The following RBFOX1 variants were observed in gnomAD, a reference collection of about 807,000 sequenced individuals.
RBFOX1 encodes RNA binding fox-1 homolog 1, also known as RNA binding protein fox-1 homolog 1.
In RBFOX1, 8 loss-of-function variants were observed where a neutral mutation model predicts 57.7. That is an observed-to-expected ratio of 0.14 (90% confidence interval 0.08 to 0.25). RBFOX1 has a LOEUF of 0.25. RBFOX1 is among the 10% of genes least tolerant of loss of function. RBFOX1 has a pLI of 1.00. For synonymous variants in RBFOX1, 326 were observed against 222.4 expected (o/e 1.47, Z -4.15); for missense variants, 611 against 548.5 (o/e 1.11, Z -1.14).
intron 11 of RBFOX1, among the ~76,000 whole-genome samples, chr16:7,643,663 G>C (rs747486292): frequency 1.3e-5 from 2 of 152,070 alleles, no homozygotes; most frequent in African/African-American, 2.4e-5. Flanking sequence ...TTTTTGGGTT[G>C]AACACAACCT....
intron 12 of RBFOX1, among the ~76,000 whole-genome samples, chr16:7,662,288 A>G (rs146902285): frequency 3.2e-4 from 48 of 152,326 alleles, no homozygotes; most frequent in Admixed American, 3.1e-3. Context: ...ACTGCTGTCT[A>G]GTCTCTTGCC....
At position 5,338,686 on chromosome 16, in the gene RBFOX1, C is replaced by G. The variant is rs2064959560; in HGVS notation, c.219+98581C>G. Among the ~76,000 whole-genome samples the G allele has an allele frequency of 2.6e-5, 4 of 152,134 alleles. 1 individual carries two copies. In the South Asian group the frequency reaches 8.3e-4, roughly 32 times the overall value. On this transcript the variant is annotated intron_variant, in intron 1 of 2. Transcript: ENST00000585867. Reference sequence around the variant, plus strand: ...TAGATAGGATCTCTTTGTCACCCAGCCAGAATCTATCACCCAGGCTGGAGT... The same window carrying G: ...TAGATAGGATCTCTTTGTCACCCAGGCAGAATCTATCACCCAGGCTGGAGT...
chr16:6,867,802 C>T (rs1014731300), intron 3 of RBFOX1, among the ~76,000 whole-genome samples: 1 of 152,168 alleles, frequency 6.6e-6, no homozygotes, highest in African/African-American at 2.4e-5. Context: ...AGAACAAGTC[C>T]TGTTTATCCC....
At chr16:6,081,378 T>G (rs919031804) in intron 1 of RBFOX1, among the ~76,000 whole-genome samples, 6 of 152,188 alleles carry the variant, frequency 3.9e-5, no homozygotes, top group Non-Finnish European at 5.9e-5. Flanking sequence ...TCTGTTATCT[T>G]GTTTCTCTGT....
At chr16:6,743,584 A>C (rs560365635) in intron 3 of RBFOX1, among the ~76,000 whole-genome samples, 2 of 151,842 alleles carry the variant, frequency 1.3e-5, no homozygotes, top group Non-Finnish European at 2.9e-5. Flanking sequence ...TGTACAAAAA[A>C]TTTAAAAATT....
chr16:7,424,331 C>G (rs993540258), intron 4 of RBFOX1, among the ~76,000 whole-genome samples: 3 of 152,152 alleles, frequency 2.0e-5, no homozygotes, highest in African/African-American at 7.2e-5. Flanking sequence ...GCAATCTTTT[C>G]TGACTGCAAC....
intron 3 of RBFOX1, among the ~76,000 whole-genome samples, chr16:6,830,669 A>G (rs896968951): frequency 1.3e-5 from 2 of 152,208 alleles, no homozygotes; most frequent in Non-Finnish European, 2.9e-5. Flanking sequence ...AGACTTCCCC[A>G]AGCCAAAATA....
intron 4 of RBFOX1, among the ~76,000 whole-genome samples, chr16:7,212,204 T>C (rs2091275281): frequency 6.6e-6 from 1 of 152,170 alleles, no homozygotes; most frequent in South Asian, 2.1e-4. Flanking sequence ...ATAGGTCTTT[T>C]AGGGTCAAGG....
intron 3 of RBFOX1, among the ~76,000 whole-genome samples, chr16:6,938,380 C>T (rs1444116164): frequency 6.6e-6 from 1 of 152,138 alleles, no homozygotes; most frequent in Admixed American, 6.5e-5. Flanking sequence ...GCACATAGAG[C>T]ATTACCTGGA....
chr16:7,393,294 T>G (rs1039245794), intron 4 of RBFOX1, among the ~76,000 whole-genome samples: 4 of 152,210 alleles, frequency 2.6e-5, no homozygotes, highest in African/African-American at 9.6e-5. Flanking sequence ...ATCCTTAAGT[T>G]TGTGTCTGGG....
intron 3 of RBFOX1, among the ~76,000 whole-genome samples, chr16:6,807,222 T>C (rs1030646687): frequency 3.3e-5 from 5 of 152,076 alleles, no homozygotes; most frequent in Admixed American, 2.0e-4. Flanking sequence ...TCTGTTCCAG[T>C]AGTTCAAGTG....
intron 4 of RBFOX1, among the ~76,000 whole-genome samples, chr16:7,501,778 C>T (rs185533889): frequency 1.3e-5 from 2 of 152,192 alleles, no homozygotes; most frequent in Non-Finnish European, 2.9e-5. Flanking sequence ...AAAACCTTAC[C>T]TGATAAATCA....
chr16:6,599,193 T>A (rs2097816630), intron 2 of RBFOX1, among the ~76,000 whole-genome samples: 1 of 152,086 alleles, frequency 6.6e-6, no homozygotes, highest in Non-Finnish European at 1.5e-5. Context: ...ACTGTTCTCA[T>A]CCAAAGACGT....
At chr16:6,624,905 G>A (rs938330941) in intron 2 of RBFOX1, among the ~76,000 whole-genome samples, 2 of 152,148 alleles carry the variant, frequency 1.3e-5, no homozygotes, top group Non-Finnish European at 2.9e-5. Context: ...GCTCACGCCT[G>A]TAATCCCAGC....
intron 2 of RBFOX1, among the ~76,000 whole-genome samples, chr16:5,550,173 C>T (rs757446810): frequency 1.3e-5 from 2 of 152,110 alleles, no homozygotes; most frequent in Admixed American, 1.3e-4. Context: ...TGCAGTGTTG[C>T]GAGAGGGGCT....
chr16:7,367,699 A>C (rs997655011), intron 4 of RBFOX1, among the ~76,000 whole-genome samples: 2 of 152,202 alleles, frequency 1.3e-5, no homozygotes, highest in Non-Finnish European at 2.9e-5. Context: ...CATCTGTTCT[A>C]TCTAAAGGAG....
chr16:7,495,464 C>G (rs987542508), intron 4 of RBFOX1, among the ~76,000 whole-genome samples: 2 of 152,220 alleles, frequency 1.3e-5, no homozygotes, highest in East Asian at 3.9e-4. Context: ...TTTTTCTCTG[C>G]AGCCTCACCA....
At chr16:7,027,579 T>C (rs1215386717) in intron 3 of RBFOX1, among the ~76,000 whole-genome samples, 1 of 152,108 alleles carries the variant, frequency 6.6e-6, no homozygotes, top group Non-Finnish European at 1.5e-5. Context: ...CCAAGACTAA[T>C]GTACTTAGAA....
At chr16:6,702,635 A>G (rs1568280211) in intron 3 of RBFOX1, among the ~76,000 whole-genome samples, 1 of 152,202 alleles carries the variant, frequency 6.6e-6, no homozygotes, top group African/African-American at 2.4e-5. Flanking sequence ...ATGAGGTCAT[A>G]CTTCTAAGAT....
Sources: allele counts gnomAD v4.1 joint callset (sites outside exome capture counted in the v4.1 genomes callset), GRCh38; gene constraint gnomAD v4.1.1; transcripts MANE v1.5; gene names NCBI Gene and HGNC (gene_info 2026-07-23, HGNC 2026-07-21).